Variants in GDF6 observed in about 807,000 individuals in gnomAD.
The protein encoded by GDF6 is growth/differentiation factor 6.
Under a neutral mutation model 32.4 loss-of-function variants are expected in GDF6, and 3 were observed. The observed-to-expected ratio is 0.09, with a 90% CI of 0.04 to 0.24. GDF6 has a LOEUF of 0.24. Among genes scored for constraint, GDF6 ranks in the 10% least tolerant of loss-of-function variants. The pLI, the probability that GDF6 is intolerant of heterozygous loss-of-function variation, is 1.00. For missense variants in GDF6, 589 were observed against 637.9 expected (o/e 0.92, Z 0.83); for synonymous variants, 296 against 295.3 (o/e 1.00, Z -0.03).
Position 96,149,307 on chromosome 8 carries a change from T to TA in GDF6, c.407-3784dup, listed in dbSNP as rs530775034. Among the ~76,000 whole-genome samples, 34 of 152,372 alleles carry TA rather than the reference T, an allele frequency of 2.2e-4. 1 individual carries two copies. The East Asian group carries it at 6.4e-3, about 28-fold the overall frequency. On this transcript the variant is annotated intron_variant, in intron 1 of 1. Coordinates refer to ENST00000287020, the MANE Select transcript of GDF6 (RefSeq NM_001001557.4). ...TGGTGGGAGTTTTTTATTTCCCTTT[T>TA]ACTTTGCATCAACCTGGTTTGTTAC... is the stretch of plus-strand genomic sequence containing the variant.
chr8:96,157,313 G>T (rs553601873), intron 1 of GDF6, among the ~76,000 whole-genome samples: 1 of 152,080 alleles, frequency 6.6e-6, no homozygotes, highest in Non-Finnish European at 1.5e-5. Context: ...AACCTAAAGC[G>T]TCCTTCATTC....
intron 1 of GDF6, among the ~76,000 whole-genome samples, chr8:96,155,223 C>T (rs1366655602): frequency 6.6e-6 from 1 of 152,278 alleles, no homozygotes; most frequent in Non-Finnish European, 1.5e-5. Context: ...TCAGATTAGC[C>T]TCCTTTGCCA....
intron 1 of GDF6, among the ~76,000 whole-genome samples, chr8:96,157,425 C>T (rs917815618): frequency 6.6e-6 from 1 of 152,210 alleles, no homozygotes; most frequent in Non-Finnish European, 1.5e-5. Flanking sequence ...AGATACTGTA[C>T]AGGAGCAAGT....
intron 1 of GDF6, among the ~76,000 whole-genome samples, chr8:96,146,629 CCTGGAAGGCAGAAAA>C (rs1354737267): frequency 4.0e-5 from 6 of 151,504 alleles, no homozygotes; most frequent in South Asian, 2.1e-4. Context: ...AAAATATATA[CCTGGAAGGCAGAAAA>C]CTGGAAGGCA....
intron 1 of GDF6, among the ~76,000 whole-genome samples, chr8:96,155,664 C>A (rs1210144141): frequency 6.6e-6 from 1 of 152,194 alleles, no homozygotes; most frequent in African/African-American, 2.4e-5. Flanking sequence ...GAAATAAAGC[C>A]TAGATTGGAA....
At position 96,160,774 on chromosome 8, in the gene GDF6, C is replaced by G; in HGVS notation, c.-82G>C. The G allele has an allele frequency of 7.1e-7, 1 of 1,411,630 alleles. No homozygotes were observed. 87.4% of individuals were successfully genotyped at this position (1,411,630 alleles called of 1,614,324 possible). A position where few individuals can be genotyped will look rare whatever the true frequency, so the allele number is the denominator to read the frequency against. On this transcript the variant is annotated 5_prime_UTR_variant, in exon 1 of 2. Coordinates refer to ENST00000287020, the MANE Select transcript of GDF6 (RefSeq NM_001001557.4). ...GGGCACGGAGCGGCTGGACAGCGGC[C>G]GGGGCCCGGCTCCTCGGGCGGACTC...
intron 1 of GDF6, among the ~76,000 whole-genome samples, chr8:96,157,049 C>T (rs1812676544): frequency 1.3e-5 from 2 of 152,150 alleles, no homozygotes; most frequent in South Asian, 2.1e-4. Context: ...GTGATGATAG[C>T]GTTTTCCTAG....
chr8:96,153,458 A>G (rs934928002), intron 1 of GDF6, among the ~76,000 whole-genome samples: 1 of 152,024 alleles, frequency 6.6e-6, no homozygotes, highest in Non-Finnish European at 1.5e-5. Flanking sequence ...TCCCCATCTC[A>G]CTGAGGCGCG....
At chr8:96,159,012 C>T (rs1812716613) in intron 1 of GDF6, among the ~76,000 whole-genome samples, 1 of 152,084 alleles carries the variant, frequency 6.6e-6, no homozygotes, top group Admixed American at 6.5e-5. Context: ...GGCCGTTAGC[C>T]TGCTCTAAAA....
Position 96,144,971 on chromosome 8 carries a change from C to T in GDF6, c.960G>A (p.Pro320=), listed in dbSNP as rs536011360. The change falls in exon 2 of 2, where the codon CCG becomes CCA. Residue 320 remains proline, a synonymous_variant. Coordinates refer to ENST00000287020, the MANE Select transcript of GDF6 (RefSeq NM_001001557.4). This position sits in a 1 kb window ranked among gnomAD's most constrained non-coding sequence, Gnocchi z 5.1. ...GCGAGGGCAGCCAAGGCCTGGCATC[C>T]GGGGCGCCCGACGGCGGCGGCCACG... ...EGSWPPPSGA[P]DARPWLPSPG... The T allele has an allele frequency of 2.9e-6, 4 of 1,392,528 alleles. No homozygotes were observed. Among genetic ancestry groups the T allele is most frequent in the East Asian group, 6.0e-5 (2 of 33,240 alleles). 86.3% of individuals were successfully genotyped at this position (1,392,528 alleles called of 1,614,324 possible).
Position 96,143,852 on chromosome 8 carries a change from C to T in GDF6, c.*711G>A, listed in dbSNP as rs73698505. ...AGATGAAGGTTGCCAGTTCCTGGTA[C>T]CGAAAGAGGCCAGGGCAGAGCTGGT... On this transcript the variant is annotated 3_prime_UTR_variant, in exon 2 of 2. Coordinates refer to ENST00000287020, the MANE Select transcript of GDF6 (RefSeq NM_001001557.4). The T allele has an allele frequency of 6.5e-6, 1 of 152,806 alleles. No individual in the cohort carries two copies. Among genetic ancestry groups the T allele is most frequent in the African/African-American group, 2.4e-5 (1 of 41,410 alleles). 9.5% of individuals were successfully genotyped at this position (152,806 alleles called of 1,614,324 possible). A position where few individuals can be genotyped will look rare whatever the true frequency, so the allele number is the denominator to read the frequency against.
intron 1 of GDF6, among the ~76,000 whole-genome samples, chr8:96,148,541 A>G (rs1347395863): frequency 6.6e-6 from 1 of 152,218 alleles, no homozygotes; most frequent in Admixed American, 6.5e-5. Context: ...GGCTTGTGGT[A>G]GGGTCTAGAA....
chr8:96,145,569 G>A lies in GDF6; in HGVS notation c.407-45C>T. On this transcript the variant is annotated intron_variant, in intron 1 of 1. Transcript: ENST00000287020. The surrounding 1 kb of genome is among the most constrained non-coding windows in gnomAD (Gnocchi z 5.6). ...TACAGTCAGTTTCACTTAAGGGGGA[G>A]ATCAGCCCGGTGCTCTTCGGCCGCC... The A allele has an allele frequency of 6.3e-7, 1 of 1,596,366 alleles. No homozygotes were observed. The highest frequency in any genetic ancestry group is 1.3e-5 in the African/African-American group (1 of 75,024).
At position 96,145,353 on chromosome 8, in the gene GDF6, G is replaced by A. The variant is rs866756897; in HGVS notation, c.578C>T (p.Ser193Leu). 6.4e-7 allele frequency: 1 copy of A among 1,550,606 alleles called. No homozygotes were observed. Among genetic ancestry groups the A allele is most frequent in the Non-Finnish European group, 8.7e-7 (1 of 1,154,996 alleles). The change falls in exon 2 of 2, where the codon TCG (serine) becomes TTG (leucine). Residue 193 changes from serine to leucine, a missense_variant. Physicochemically the swap from Ser to Leu is moderately radical, Grantham distance 145. This residue lies in a region of GDF6 where 436 missense variants were observed against 411.2 expected (regional missense o/e 1.06). Coordinates refer to ENST00000287020, the MANE Select transcript of GDF6 (RefSeq NM_001001557.4). This position sits in a 1 kb window ranked among gnomAD's most constrained non-coding sequence, Gnocchi z 5.6. ...PLHVQLFPCL[S>L]PLLLDARTLD... ...GGTCCGCGCGTCCAGCAGTAGGGGCGAAAGGCAAGGGAAGAGCTGCACGTG... is the reference window on the plus strand; with the variant it reads ...GGTCCGCGCGTCCAGCAGTAGGGGCAAAAGGCAAGGGAAGAGCTGCACGTG...
chr8:96,156,656 A>G (rs1042886091), intron 1 of GDF6, among the ~76,000 whole-genome samples: 3 of 152,192 alleles, frequency 2.0e-5, no homozygotes, highest in African/African-American at 4.8e-5. Context: ...ACCTTTATGG[A>G]TCCAACATCA....
chr8:96,148,077 G>T (rs759195212), intron 1 of GDF6, among the ~76,000 whole-genome samples: 5 of 152,228 alleles, frequency 3.3e-5, no homozygotes, highest in Non-Finnish European at 7.3e-5. Context: ...TGTAGAGAAA[G>T]ATCTCCTACT....
chr8:96,155,381 G>T (rs1812644586), intron 1 of GDF6, among the ~76,000 whole-genome samples: 2 of 152,246 alleles, frequency 1.3e-5, no homozygotes, highest in African/African-American at 2.4e-5. Context: ...AATAACTGAT[G>T]TTTAACAGCA....
At chr8:96,153,395 G>C (rs1197018264) in intron 1 of GDF6, among the ~76,000 whole-genome samples, 1 of 152,226 alleles carries the variant, frequency 6.6e-6, no homozygotes, top group South Asian at 2.1e-4. Flanking sequence ...TGACATCACT[G>C]CAGATGAAAC....
At position 96,144,701 on chromosome 8, in the gene GDF6, C is replaced by G. The variant is rs759537970; in HGVS notation, c.1230G>C (p.Met410Ile). Residue 410 changes from methionine to isoleucine, a missense_variant, in exon 2 of 2, where the codon ATG becomes ATC. Around this residue, in one of 2 missense-constraint regions of GDF6, gnomAD observed 153 missense variants for 226.7 expected, o/e 0.67. Coordinates refer to ENST00000287020, the MANE Select transcript of GDF6 (RefSeq NM_001001557.4). This position sits in a 1 kb window ranked among gnomAD's most constrained non-coding sequence, Gnocchi z 5.1. ...AGCTGGGCGGGGTGGAGCCGGGGTCCATGGAGTTCATCAGCGTCTGGATGA... is the reference window on the plus strand; with the variant it reads ...AGCTGGGCGGGGTGGAGCCGGGGTCGATGGAGTTCATCAGCGTCTGGATGA... ...HAIIQTLMNS[M>I]DPGSTPPSCC... The G allele has an allele frequency of 6.2e-7, 1 of 1,614,152 alleles. No homozygotes were observed. Among genetic ancestry groups the G allele is most frequent in the Non-Finnish European group, 8.5e-7 (1 of 1,180,026 alleles).
Sources: gnomAD v4.1 joint callset for allele counts (sites outside exome capture counted in the v4.1 genomes callset) on GRCh38, gnomAD v4.1.1 for gene constraint, gnomAD v4.1.1 regional missense constraint, Gnocchi (gnomAD v3.1) non-coding constraint, MANE v1.5 for transcripts, NCBI Gene and HGNC (gene_info 2026-07-23, HGNC 2026-07-21) for gene names.